PIP5K1B: variants seen among roughly 807,000 people sequenced by gnomAD.
PIP5K1B encodes phosphatidylinositol 4-phosphate 5-kinase type-1 beta.
In PIP5K1B, 42 loss-of-function variants were observed where a neutral mutation model predicts 67.0. That is an observed-to-expected ratio of 0.63 (90% confidence interval 0.49 to 0.81). The LOEUF (loss-of-function observed/expected upper bound fraction) is 0.81, where lower values mean the gene tolerates loss of function less well. PIP5K1B is among the 30% of genes least tolerant of loss of function. The probability of loss-of-function intolerance (pLI) is 0.00; values close to 1 mark genes in which losing one functional copy is unlikely to be tolerated. For missense variants in PIP5K1B, 459 were observed against 646.3 expected, an observed-to-expected ratio of 0.71 and a Z score of 3.14; for synonymous variants, 214 against 231.4, an observed-to-expected ratio of 0.92 and a Z score of 0.68.
chr9:68,817,712 CTTTTTTTTTTTTT>C (rs1156788129), intron 2 of PIP5K1B, among the ~76,000 whole-genome samples: 1 of 93,636 alleles, frequency 1.1e-5, no homozygotes. Context: ...AGACCTCATT[CTTTTTTTTTTTTT>C]TTTTTTTTTT....
chr9:68,841,774 T>A (rs984338837), intron 4 of PIP5K1B, among the ~76,000 whole-genome samples: 7 of 152,192 alleles, frequency 4.6e-5, no homozygotes, highest in African/African-American at 1.7e-4. Context: ...TGACCATCAT[T>A]TGAGGTGGAA....
chr9:68,994,229 A>T (rs1369551156), intron 15 of PIP5K1B, among the ~76,000 whole-genome samples: 1 of 151,686 alleles, frequency 6.6e-6, no homozygotes, highest in East Asian at 1.9e-4. Context: ...TTCACTAGAG[A>T]CGGGGTTTCG....
intron 8 of PIP5K1B, among the ~76,000 whole-genome samples, chr9:68,909,949 C>T (rs941416777): frequency 7.9e-5 from 12 of 152,098 alleles, no homozygotes; most frequent in South Asian, 2.1e-4. Context: ...ATAGTAGGTG[C>T]GCAATAAAAT....
chr9:68,780,739 AT>A, intron 2 of PIP5K1B: 1 of 1,614,254 alleles, frequency 6.2e-7, no homozygotes, highest in Non-Finnish European at 8.5e-7. Flanking sequence ...AGCCCCATCA[AT>A]TGCATTAGAC....
chr9:68,926,583 T>A (rs965744277), intron 12 of PIP5K1B, among the ~76,000 whole-genome samples: 3 of 152,142 alleles, frequency 2.0e-5, no homozygotes, highest in Non-Finnish European at 4.4e-5. Flanking sequence ...ATTTATTTAT[T>A]TATTTTGAGA....
intron 1 of PIP5K1B, among the ~76,000 whole-genome samples, chr9:68,727,003 TA>T (rs1407225331): frequency 6.6e-6 from 1 of 152,016 alleles, no homozygotes; most frequent in Non-Finnish European, 1.5e-5. Context: ...TTAGCACACA[TA>T]TTTTTTATAT....
At chr9:68,959,754 A>G (rs1043062490) in intron 14 of PIP5K1B, among the ~76,000 whole-genome samples, 1 of 152,202 alleles carries the variant, frequency 6.6e-6, no homozygotes, top group African/African-American at 2.4e-5. Context: ...CCCCAAAATG[A>G]TGTTCCATTC....
intron 1 of PIP5K1B, among the ~76,000 whole-genome samples, chr9:68,740,506 C>T (rs1482474070): frequency 6.6e-6 from 1 of 152,168 alleles, no homozygotes; most frequent in Non-Finnish European, 1.5e-5. Context: ...AGAGATACCT[C>T]GCATAAGGAC....
chr9:68,860,185 T>G (rs1039184554), intron 4 of PIP5K1B, among the ~76,000 whole-genome samples: 1 of 152,186 alleles, frequency 6.6e-6, no homozygotes, highest in African/African-American at 2.4e-5. Context: ...TGGACCAATA[T>G]CTCCCCAAGC....
At chr9:68,864,702 T>C (rs1823272501) in intron 5 of PIP5K1B, among the ~76,000 whole-genome samples, 1 of 152,084 alleles carries the variant, frequency 6.6e-6, no homozygotes, top group Admixed American at 6.5e-5. Context: ...CTACGTTCAT[T>C]TAGGAAGAGA....
intron 13 of PIP5K1B, among the ~76,000 whole-genome samples, chr9:68,937,590 G>A (rs965632639): frequency 5.9e-5 from 9 of 152,116 alleles, no homozygotes; most frequent in Non-Finnish European, 8.8e-5. Context: ...AGGGTTTTTT[G>A]TGTATCTATC....
chr9:68,947,589 T>C (rs1350300820), intron 14 of PIP5K1B, among the ~76,000 whole-genome samples: 1 of 152,158 alleles, frequency 6.6e-6, no homozygotes, highest in Non-Finnish European at 1.5e-5. Flanking sequence ...GGATCTTTTT[T>C]AAAAGAGAGA....
intron 4 of PIP5K1B, among the ~76,000 whole-genome samples, chr9:68,850,652 A>C (rs10781234): frequency 0.77 from 116,814 of 151,692 alleles, 45,036 homozygotes; most frequent in Admixed American, 0.83. Context: ...ACTAATATAT[A>C]ACCTTTCAAA....
In PIP5K1B at chr9:68,781,090, C is replaced by G. The variant is rs1447573690; in HGVS notation, c.-85-37371C>G. The G allele has an allele frequency of 3.3e-6, 5 of 1,527,290 alleles. No individual in the cohort carries two copies. In the East Asian group the frequency reaches 1.1e-4, roughly 35 times the overall value. The allele number at this position is 1,527,290 out of a possible 1,614,324, so 94.6% of individuals were successfully genotyped here. A position where few individuals can be genotyped will look rare whatever the true frequency, so the allele number is the denominator to read the frequency against. ...GAGAGAATAATCTAGTTGGGGCAAA[C>G]ACTGAACTTTGTCAATTAATTTGAG... On this transcript the variant is annotated intron_variant, in intron 2 of 15. Transcript: ENST00000265382.
At chr9:68,962,025 T>G (rs1194550056) in intron 14 of PIP5K1B, among the ~76,000 whole-genome samples, 1 of 152,212 alleles carries the variant, frequency 6.6e-6, no homozygotes, top group Non-Finnish European at 1.5e-5. Flanking sequence ...GTTTTGTGAA[T>G]CAAGTGTGTT....
chr9:68,981,580 T>G (rs1284555631), intron 14 of PIP5K1B, among the ~76,000 whole-genome samples: 1 of 152,078 alleles, frequency 6.6e-6, no homozygotes, highest in Non-Finnish European at 1.5e-5. Flanking sequence ...ATTGAGGCAG[T>G]GAGAGAATGA....
rs1443062821 is a variant in PIP5K1B at position 68,919,729 on chromosome 9, GGTAA to G, written c.1116+3_1116+6del. 6 of 1,527,636 alleles carry G rather than the reference GGTAA, an allele frequency of 3.9e-6. No homozygotes were observed. The highest frequency in any genetic ancestry group is 1.1e-5 in the South Asian group (1 of 88,456). The allele number at this position is 1,527,636 out of a possible 1,614,324, so 94.6% of individuals were successfully genotyped here. On this transcript the variant is annotated splice_donor_variant and splice_donor_region_variant and intron_variant, in intron 11 of 15. Coordinates refer to ENST00000265382, the MANE Select transcript of PIP5K1B (RefSeq NM_003558.4). LOFTEE classifies it high-confidence loss of function. ...CCTGGAAAGCTCTTGTTTATGATGG[GGTAA>G]GTGACTTATTTTCCTTATTATACTG...
At chr9:68,734,676 A>G (rs1246075080) in intron 1 of PIP5K1B, among the ~76,000 whole-genome samples, 1 of 152,248 alleles carries the variant, frequency 6.6e-6, no homozygotes, top group Non-Finnish European at 1.5e-5. Context: ...AAGGATAAGA[A>G]TGTCCCTCCA....
intron 8 of PIP5K1B, among the ~76,000 whole-genome samples, chr9:68,911,883 A>G (rs547942647): frequency 2.3e-4 from 35 of 152,334 alleles, no homozygotes; most frequent in Middle Eastern, 3.4e-3. Context: ...CTCTGTTTCA[A>G]AAAAATATTT....
Sources: gnomAD v4.1 joint callset for allele counts (sites outside exome capture counted in the v4.1 genomes callset) on GRCh38, gnomAD v4.1.1 for gene constraint, MANE v1.5 for transcripts, NCBI Gene and HGNC (gene_info 2026-07-23, HGNC 2026-07-21) for gene names.